CFAP299: variants seen among roughly 807,000 people sequenced by gnomAD.
CFAP299 encodes the protein cilia- and flagella-associated protein 299.
In CFAP299, 21 loss-of-function variants were observed where a neutral mutation model predicts 27.0. The ratio of observed to expected loss-of-function variants is 0.78; its 90% CI spans 0.55 to 1.12. The LOEUF is 1.12. CFAP299 is among the 50% of genes most tolerant of loss of function. The pLI is 0.00. For synonymous variants in CFAP299, 104 were observed against 98.1 expected, an observed-to-expected ratio of 1.06 and a Z score of -0.36; for missense variants, 310 against 276.6, an observed-to-expected ratio of 1.12 and a Z score of -0.86.
At chr4:80,337,707 GA>G (rs1227085009) in intron 1 of CFAP299, among the ~76,000 whole-genome samples, 5 of 152,044 alleles carry the variant, frequency 3.3e-5, no homozygotes, top group African/African-American at 1.2e-4. Flanking sequence ...CCATCAATCA[GA>G]ATTCATTAAA....
chr4:80,393,406 G>A (rs1725601946), intron 2 of CFAP299, among the ~76,000 whole-genome samples: 2 of 152,146 alleles, frequency 1.3e-5, no homozygotes, highest in Admixed American at 6.5e-5. Context: ...CTACAGTACA[G>A]TAACGTGTTA....
At chr4:80,541,806 A>G (rs1206218099) in intron 2 of CFAP299, among the ~76,000 whole-genome samples, 3 of 152,170 alleles carry the variant, frequency 2.0e-5, no homozygotes, top group Non-Finnish European at 2.9e-5. Context: ...AGAAAAAGAA[A>G]AGGATCCAAT....
intron 2 of CFAP299, among the ~76,000 whole-genome samples, chr4:80,431,743 T>C (rs1227131017): frequency 6.6e-6 from 1 of 152,186 alleles, no homozygotes; most frequent in African/African-American, 2.4e-5. Context: ...GGGTCACTGC[T>C]CATTAACCCT....
intron 2 of CFAP299, among the ~76,000 whole-genome samples, chr4:80,468,116 GT>G (rs1729798154): frequency 6.6e-6 from 1 of 152,062 alleles, no homozygotes. Flanking sequence ...ACCTACATAG[GT>G]ATAATCTTGC....
intron 2 of CFAP299, among the ~76,000 whole-genome samples, chr4:80,380,489 A>T (rs370838651): frequency 1.5e-5 from 2 of 131,926 alleles, no homozygotes; most frequent in African/African-American, 5.8e-5. Context: ...GTGCAGTGGC[A>T]TGATCTTGGC....
At chr4:80,910,523 G>A (rs1735414081) in intron 4 of CFAP299, among the ~76,000 whole-genome samples, 1 of 152,090 alleles carries the variant, frequency 6.6e-6, no homozygotes, top group African/African-American at 2.4e-5. Context: ...TCCTTTGCAG[G>A]AACATGGATA....
At chr4:80,574,755 T>G (rs1178393572) in intron 2 of CFAP299, among the ~76,000 whole-genome samples, 2 of 152,192 alleles carry the variant, frequency 1.3e-5, no homozygotes, top group Non-Finnish European at 2.9e-5. Context: ...ATGTGATGTG[T>G]CACATTAATT....
chr4:80,386,520 G>A (rs1354157184), intron 2 of CFAP299: 10 of 1,177,218 alleles, frequency 8.5e-6, no homozygotes, highest in Admixed American at 2.7e-5. Flanking sequence ...GGTGGGGGGG[G>A]GGGGTGCCGC....
chr4:80,769,047 A>C (rs1181672811), intron 3 of CFAP299, among the ~76,000 whole-genome samples: 7 of 152,234 alleles, frequency 4.6e-5, no homozygotes, highest in Non-Finnish European at 1.0e-4. Flanking sequence ...GGAGCAGAGC[A>C]GATTAGATTA....
At chr4:80,445,205 T>C (rs7668873) in intron 2 of CFAP299, among the ~76,000 whole-genome samples, 142,529 of 152,284 alleles carry the variant, frequency 0.94, 67,326 homozygotes, top group East Asian at 1. Context: ...AATCATTCTA[T>C]TATAAAGACA....
intron 2 of CFAP299, among the ~76,000 whole-genome samples, chr4:80,419,951 A>G (rs983956603): frequency 8.5e-5 from 13 of 152,092 alleles, no homozygotes; most frequent in Middle Eastern, 3.2e-3. Flanking sequence ...ATGGCATACA[A>G]ATTTATTGAC....
the CFAP299 span, among the ~76,000 whole-genome samples, chr4:80,322,968 T>C: frequency 7.9e-5 from 12 of 152,144 alleles, no homozygotes; most frequent in Admixed American, 2.0e-4. Flanking sequence ...GAAGTTGAGC[T>C]AAATGTATTA....
At position 80,680,519 on chromosome 4, in the gene CFAP299, A is replaced by T. The variant is rs182240007; in HGVS notation, c.333+97336A>T. On this transcript the variant is annotated intron_variant, in intron 3 of 5. Transcript: ENST00000358105. ...ATTAAATTATTTTGTAACAAGGGCA[A>T]TATCTTGGAAATAACAATAAGCTTT... is the stretch of plus-strand genomic sequence containing the variant. Among the ~76,000 whole-genome samples, 167 of 152,290 alleles carry T rather than the reference A, an allele frequency of 1.1e-3. 3 individuals are homozygous for T. Among genetic ancestry groups the T allele is most frequent in the Non-Finnish European group, 1.6e-4 (11 of 68,012 alleles).
At chr4:80,761,999 T>G (rs1333334768) in intron 3 of CFAP299, among the ~76,000 whole-genome samples, 1 of 152,008 alleles carries the variant, frequency 6.6e-6, no homozygotes, top group African/African-American at 2.4e-5. Flanking sequence ...AGTGTTTAAG[T>G]ATTTGTGTAC....
chr4:80,636,942 TA>T (rs1380695105), intron 3 of CFAP299, among the ~76,000 whole-genome samples: 2 of 152,156 alleles, frequency 1.3e-5, no homozygotes, highest in African/African-American at 2.4e-5. Flanking sequence ...TTGAAGTTTT[TA>T]AAAAAGTATT....
chr4:80,343,791 A>G (rs1416656318), intron 1 of CFAP299, among the ~76,000 whole-genome samples: 1 of 94,280 alleles, frequency 1.1e-5, no homozygotes, highest in Non-Finnish European at 1.9e-5. Flanking sequence ...ACAGAGCGAG[A>G]CTCCGTCTAA....
At chr4:80,701,713 T>C (rs542386094) in intron 3 of CFAP299, among the ~76,000 whole-genome samples, 1 of 152,094 alleles carries the variant, frequency 6.6e-6, no homozygotes, top group East Asian at 1.9e-4. Flanking sequence ...TTATCTTTTT[T>C]CCTTCTTGCT....
chr4:80,583,136 A>G lies in CFAP299; in HGVS notation c.286A>G (p.Thr96Ala). ...TAAAGACCTACAAGATAATTTTCTG[A>G]CGGCCCTGGCAATGAGAGAAGAAGA... ...AGKDLQDNFL[T>A]ALAMREEDNR... The change falls in exon 3 of 6, where the codon ACG (threonine) becomes GCG (alanine). Residue 96 changes from threonine (T) to alanine (A), a missense_variant. Physicochemically the swap from Thr to Ala is moderately conservative, Grantham distance 58. Coordinates refer to ENST00000358105, the MANE Select transcript of CFAP299 (RefSeq NM_152770.3). 6.2e-7 allele frequency: 1 copy of G among 1,606,190 alleles called. No individual in the cohort carries two copies. The highest frequency in any genetic ancestry group is 8.5e-7 in the Non-Finnish European group (1 of 1,174,942).
chr4:80,595,945 C>G (rs1737037184), intron 3 of CFAP299, among the ~76,000 whole-genome samples: 1 of 152,176 alleles, frequency 6.6e-6, no homozygotes, highest in Non-Finnish European at 1.5e-5. Context: ...ACATAGCACT[C>G]TTATATCTGA....
Sources: allele counts gnomAD v4.1 joint callset (sites outside exome capture counted in the v4.1 genomes callset), GRCh38; gene constraint gnomAD v4.1.1; transcripts MANE v1.5; gene names NCBI Gene and HGNC (gene_info 2026-07-23, HGNC 2026-07-21).